CCDC60: variants seen among roughly 807,000 people sequenced by gnomAD.
CCDC60 encodes coiled-coil domain containing 60.
In CCDC60, 54 loss-of-function variants were observed where a neutral mutation model predicts 63.5. The ratio of observed to expected loss-of-function variants is 0.85; its 90% CI spans 0.68 to 1.07. The LOEUF (loss-of-function observed/expected upper bound fraction) is 1.07, where lower values mean the gene tolerates loss of function less well. Ranked by LOEUF, CCDC60 falls within the 50% of genes least tolerant of loss-of-function variation. The pLI, the probability that CCDC60 is intolerant of heterozygous loss-of-function variation, is 0.00. For synonymous variants in CCDC60, 206 were observed against 238.8 expected, an observed-to-expected ratio of 0.86 and a Z score of 1.27; for missense variants, 651 against 684.3, an observed-to-expected ratio of 0.95 and a Z score of 0.54.
chr12:119,343,338 G>T (rs1410805053), intron 1 of CCDC60, among the ~76,000 whole-genome samples: 1 of 152,096 alleles, frequency 6.6e-6, no homozygotes, highest in Non-Finnish European at 1.5e-5. Context: ...AAATGCCTCG[G>T]GGTTTCTGGA....
chr12:119,432,521 A>G (rs1030300215), intron 2 of CCDC60, among the ~76,000 whole-genome samples: 1 of 152,214 alleles, frequency 6.6e-6, no homozygotes, highest in Admixed American at 6.5e-5. Context: ...GATGAGGCCA[A>G]CTAAGAGCCC....
At chr12:119,359,465 G>T (rs962868559) in intron 1 of CCDC60, among the ~76,000 whole-genome samples, 2 of 151,292 alleles carry the variant, frequency 1.3e-5, no homozygotes, top group East Asian at 3.9e-4. Context: ...CTGTCCTCAA[G>T]AATAAATATT....
At chr12:119,435,038 GTGGA>G (rs1194914612) in intron 2 of CCDC60, among the ~76,000 whole-genome samples, 3 of 152,228 alleles carry the variant, frequency 2.0e-5, no homozygotes, top group African/African-American at 7.2e-5. Context: ...CTGGGGAGAA[GTGGA>G]TGGATTCAGG....
intron 1 of CCDC60, among the ~76,000 whole-genome samples, chr12:119,350,754 A>G (rs73217246): frequency 2.0e-5 from 3 of 151,774 alleles, no homozygotes; most frequent in East Asian, 3.9e-4. Context: ...CCAGCTGTGC[A>G]CTCCCCTCAG....
intron 11 of CCDC60, among the ~76,000 whole-genome samples, chr12:119,526,635 T>C (rs1233450683): frequency 6.6e-6 from 1 of 152,170 alleles, no homozygotes; most frequent in Non-Finnish European, 1.5e-5. Flanking sequence ...AAGGCATACA[T>C]TGTGGCCAAG....
chr12:119,480,745 A>G (rs1951289859), intron 4 of CCDC60, among the ~76,000 whole-genome samples: 1 of 150,448 alleles, frequency 6.6e-6, no homozygotes, highest in African/African-American at 2.5e-5. Flanking sequence ...CATCATCACC[A>G]TCATCCTCAC....
rs1951955123 is a variant in CCDC60, at chr12:119,505,069, A to G, written c.649A>G (p.Thr217Ala). The G allele has an allele frequency of 1.3e-6, 2 of 1,594,978 alleles. No homozygotes were observed. Among genetic ancestry groups the G allele is most frequent in the Non-Finnish European group, 1.7e-6 (2 of 1,167,158 alleles). Reference sequence around the variant, plus strand: ...CCTCTCTTTCTTCTCTTTCCTTTAGACCAAGAAATTCAAAATTCCCACAAT... The same window carrying G: ...CCTCTCTTTCTTCTCTTTCCTTTAGGCCAAGAAATTCAAAATTCCCACAAT... The part of the protein sequence containing the change: ...KWEHFITAPK[T>A]KKFKIPTMRV... Residue 217 changes from threonine (T) to alanine (A), a missense_variant and splice_region_variant, in exon 7 of 14, where the codon ACC becomes GCC. Transcript: ENST00000327554.
intron 1 of CCDC60, among the ~76,000 whole-genome samples, chr12:119,422,047 G>A (rs143383281): frequency 6.8e-4 from 104 of 152,200 alleles, no homozygotes; most frequent in African/African-American, 2.3e-3. Context: ...TGTTTCTGAC[G>A]ATCTTGCTCT....
At chr12:119,399,414 C>G (rs756317596) in intron 1 of CCDC60, among the ~76,000 whole-genome samples, 1 of 152,196 alleles carries the variant, frequency 6.6e-6, no homozygotes, top group Non-Finnish European at 1.5e-5. Context: ...GGGACCTTTA[C>G]AGTTCCAGCT....
chr12:119,524,149 G>A (rs1952612804), intron 11 of CCDC60, among the ~76,000 whole-genome samples: 1 of 152,194 alleles, frequency 6.6e-6, no homozygotes, highest in Non-Finnish European at 1.5e-5. Context: ...GGATGAGGAA[G>A]AGCCAGCAGT....
At chr12:119,471,617 G>A (rs1390160572) in intron 2 of CCDC60, among the ~76,000 whole-genome samples, 2 of 152,166 alleles carry the variant, frequency 1.3e-5, no homozygotes, top group Non-Finnish European at 2.9e-5. Context: ...ACTTGGCCAA[G>A]GTCTTTAGTA....
chr12:119,417,009 T>G (rs1956712373), intron 1 of CCDC60, among the ~76,000 whole-genome samples: 1 of 152,090 alleles, frequency 6.6e-6, no homozygotes, highest in South Asian at 2.1e-4. Flanking sequence ...TAATCCTAGC[T>G]ACTTGGGAGG....
At chr12:119,401,808 G>A (rs533734526) in intron 1 of CCDC60, among the ~76,000 whole-genome samples, 6 of 152,252 alleles carry the variant, frequency 3.9e-5, no homozygotes, top group African/African-American at 1.2e-4. Flanking sequence ...TTCTTGTAAC[G>A]CCCTGGTGTC....
At chr12:119,430,482 T>G (rs1267122188) in intron 2 of CCDC60, among the ~76,000 whole-genome samples, 1 of 151,800 alleles carries the variant, frequency 6.6e-6, no homozygotes, top group Non-Finnish European at 1.5e-5. Context: ...CTGGCTAACA[T>G]GGTACAACCC....
intron 7 of CCDC60, among the ~76,000 whole-genome samples, chr12:119,513,625 C>T (rs1036933835): frequency 6.6e-6 from 1 of 152,168 alleles, no homozygotes; most frequent in African/African-American, 2.4e-5. Flanking sequence ...ACTACAATCA[C>T]GTGTCACATA....
intron 1 of CCDC60, among the ~76,000 whole-genome samples, chr12:119,397,647 G>T (rs1019051264): frequency 6.8e-6 from 1 of 146,280 alleles, no homozygotes; most frequent in Non-Finnish European, 1.5e-5. Flanking sequence ...AGCCCAGCTG[G>T]CTTCGCCTGG....
At chr12:119,336,830 C>T (rs768503735) in intron 1 of CCDC60, among the ~76,000 whole-genome samples, 1 of 152,168 alleles carries the variant, frequency 6.6e-6, no homozygotes, top group Non-Finnish European at 1.5e-5. Flanking sequence ...AAAATCGATA[C>T]GTACTGAATG....
At position 119,506,401 on chromosome 12, in the gene CCDC60, G is replaced by T. The variant is rs946689418; in HGVS notation, c.883+1098G>T. Among the ~76,000 whole-genome samples, 37 of 140,220 alleles carry T rather than the reference G, an allele frequency of 2.6e-4. 1 individual carries two copies. Among genetic ancestry groups the T allele is most frequent in the Non-Finnish European group, 3.0e-5 (2 of 66,004 alleles). 92.0% of individuals were successfully genotyped at this position (140,220 alleles called of 152,430 possible). ...GCAGATCGCTTGAGTTCAGGAGTTT[G>T]AGATCAGCTTGGGCAACGTGGTGAA... On this transcript the variant is annotated intron_variant, in intron 7 of 13. Transcript: ENST00000327554.
Position 119,456,044 on chromosome 12 carries a change from A to AAGC in CCDC60, c.171-15949_171-15948insGCA, listed in dbSNP as rs1566019515. Among the ~76,000 whole-genome samples, 7 of 135,374 alleles carry AAGC rather than the reference A, an allele frequency of 5.2e-5. 1 individual carries two copies. The Admixed American group carries it at 5.5e-4, about 11-fold the overall frequency. The allele number at this position is 135,374 out of a possible 152,430, so 88.8% of individuals were successfully genotyped here. A position where few individuals can be genotyped will look rare whatever the true frequency, so the allele number is the denominator to read the frequency against. On this transcript the variant is annotated intron_variant, in intron 2 of 13. Coordinates refer to ENST00000327554, the MANE Select transcript of CCDC60 (RefSeq NM_178499.5). This position sits in a 1 kb window ranked among gnomAD's most constrained non-coding sequence, Gnocchi z 4.6. ...GAAAGAAAGAAAGAAAGAAAGAAAGAAAGAAAGAAAGAAAGAAAGCAAGCA... is the reference window on the plus strand; with the variant it reads ...GAAAGAAAGAAAGAAAGAAAGAAAGAAGCAAGAAAGAAAGAAAGAAAGCAAGCA...
Sources: gnomAD v4.1 joint callset for allele counts (sites outside exome capture counted in the v4.1 genomes callset) on GRCh38, gnomAD v4.1.1 for gene constraint, Gnocchi (gnomAD v3.1) non-coding constraint, MANE v1.5 for transcripts, NCBI Gene and HGNC (gene_info 2026-07-23, HGNC 2026-07-21) for gene names.